Variants in GPAT4 observed in about 807,000 individuals in gnomAD.
GPAT4 encodes the protein glycerol-3-phosphate acyltransferase 4.
GPAT4 carries 17 observed loss-of-function variants against 58.0 expected under a neutral mutation model. The ratio of observed to expected loss-of-function variants is 0.29; its 90% CI spans 0.20 to 0.44. The LOEUF is 0.44. GPAT4 is among the 20% of genes least tolerant of loss of function. The pLI, the probability that GPAT4 is intolerant of heterozygous loss-of-function variation, is 1.00. For synonymous variants in GPAT4, 204 were observed against 210.1 expected (o/e 0.97, Z 0.25); for missense variants, 377 against 574.5 (o/e 0.66, Z 3.51).
rs1205942788 is a variant in GPAT4, at chr8:41,612,290, G to A, written c.795+17G>A. Reference sequence around the variant, plus strand: ...TATGCCATGGTAAGAGCTCTTTCCGGTGCGTTCTTGAGGCAAGACTTCCTG... The same window carrying A: ...TATGCCATGGTAAGAGCTCTTTCCGATGCGTTCTTGAGGCAAGACTTCCTG... On this transcript the variant is annotated intron_variant, in intron 7 of 12. Coordinates refer to ENST00000396987, the MANE Select transcript of GPAT4 (RefSeq NM_178819.4). The A allele has an allele frequency of 1.2e-6, 2 of 1,613,536 alleles. No homozygotes were observed. Among genetic ancestry groups the A allele is most frequent in the African/African-American group, 1.3e-5 (1 of 75,050 alleles).
At chr8:41,605,687 G>T (rs1803243106) in intron 2 of GPAT4, among the ~76,000 whole-genome samples, 1 of 152,152 alleles carries the variant, frequency 6.6e-6, no homozygotes, top group Non-Finnish European at 1.5e-5. Flanking sequence ...TGATTCTCCT[G>T]CCTCAGCCCC....
At chr8:41,607,625 A>G (rs1803318462) in intron 2 of GPAT4, among the ~76,000 whole-genome samples, 2 of 151,666 alleles carry the variant, frequency 1.3e-5, no homozygotes, top group Admixed American at 6.6e-5. Flanking sequence ...TGCAGCCTCA[A>G]CGTCCCCTGG....
intron 1 of GPAT4, among the ~76,000 whole-genome samples, chr8:41,595,453 A>G (rs997511763): frequency 1.3e-5 from 2 of 150,658 alleles, no homozygotes; most frequent in Non-Finnish European, 2.9e-5. Context: ...TTGCCACTAC[A>G]GATTGAATGC....
At chr8:41,607,368 A>G (rs1279227910) in intron 2 of GPAT4, among the ~76,000 whole-genome samples, 1 of 152,184 alleles carries the variant, frequency 6.6e-6, no homozygotes, top group Non-Finnish European at 1.5e-5. Flanking sequence ...TAGAATCTCA[A>G]TTAGCAGATC....
At chr8:41,585,514 C>T (rs1175087900) in intron 1 of GPAT4, among the ~76,000 whole-genome samples, 1 of 152,138 alleles carries the variant, frequency 6.6e-6, no homozygotes, top group Non-Finnish European at 1.5e-5. Context: ...ATTATTGCCT[C>T]CAGCTTTATG....
At chr8:41,619,041 C>T (rs1803678685) in intron 12 of GPAT4, 64 bp downstream of exon 12, 1 of 1,559,876 alleles carries the variant, frequency 6.4e-7, no homozygotes, top group African/African-American at 1.4e-5. Flanking sequence ...ATTGACTTCA[C>T]TTACATGTCA....
chr8:41,587,345 T>C (rs756289604), intron 1 of GPAT4, among the ~76,000 whole-genome samples: 34 of 152,230 alleles, frequency 2.2e-4, no homozygotes, highest in Non-Finnish European at 4.0e-4. Flanking sequence ...ATTAGTATAA[T>C]GTCATTACTT....
intron 1 of GPAT4, among the ~76,000 whole-genome samples, chr8:41,595,705 CTT>C (rs1802912111): frequency 6.6e-6 from 1 of 152,084 alleles, no homozygotes; most frequent in African/African-American, 2.4e-5. Flanking sequence ...TTCTTTCTCT[CTT>C]TAACTTTCTC....
At chr8:41,618,422 G>A (rs1330240414) in intron 10 of GPAT4, 3 of 524,990 alleles carry the variant, frequency 5.7e-6, no homozygotes. Context: ...ATCAAGGAGG[G>A]AAGACATTTG....
At chr8:41,606,605 G>T (rs1424177472) in intron 2 of GPAT4, among the ~76,000 whole-genome samples, 1 of 152,196 alleles carries the variant, frequency 6.6e-6, no homozygotes, top group Non-Finnish European at 1.5e-5. Flanking sequence ...ATGTGCACAG[G>T]AGTTTTACAA....
At chr8:41,619,018 C>A in intron 12 of GPAT4, 41 bp downstream of exon 12, 1 of 1,604,710 alleles carries the variant, frequency 6.2e-7, no homozygotes, top group Non-Finnish European at 8.5e-7. Flanking sequence ...GTTTCTGCAG[C>A]AGATGCTGTG....
chr8:41,601,594 C>G (rs1585662531), intron 2 of GPAT4, among the ~76,000 whole-genome samples: 1 of 152,002 alleles, frequency 6.6e-6, no homozygotes, highest in East Asian at 1.9e-4. Context: ...AATTCATGGA[C>G]CTATGGAAGT....
At chr8:41,613,553 T>A (rs527987963) in intron 8 of GPAT4, among the ~76,000 whole-genome samples, 1 of 152,266 alleles carries the variant, frequency 6.6e-6, no homozygotes, top group South Asian at 2.1e-4. Flanking sequence ...CCTAAGGCAG[T>A]GGAACAAAGT....
intron 1 of GPAT4, among the ~76,000 whole-genome samples, chr8:41,591,135 G>T (rs746980959): frequency 2.6e-5 from 4 of 152,168 alleles, no homozygotes; most frequent in East Asian, 1.9e-4. Flanking sequence ...GGGCAAGCAG[G>T]GGGTACGTGA....
chr8:41,596,467 A>G (rs1280016880), intron 1 of GPAT4, among the ~76,000 whole-genome samples: 2 of 152,168 alleles, frequency 1.3e-5, no homozygotes, highest in Admixed American at 6.5e-5. Flanking sequence ...CTTCCACTCA[A>G]ATGGAGTGGG....
At chr8:41,620,746 C>T in intron 12 of GPAT4, 147 bp from the exon 13 acceptor site, 1 of 1,354,640 alleles carries the variant, frequency 7.4e-7, no homozygotes, top group South Asian at 1.5e-5. Context: ...CCCAAATCCC[C>T]TGAGGTTGTC....
At chr8:41,597,003 A>G (rs535356120) in intron 1 of GPAT4, among the ~76,000 whole-genome samples, 1 of 152,144 alleles carries the variant, frequency 6.6e-6, no homozygotes, top group African/African-American at 2.4e-5. Context: ...ATCAGAATGG[A>G]ACAGAACAGG....
Position 41,622,682 on chromosome 8 carries a change from G to C in GPAT4, c.*1681G>C, listed in dbSNP as rs1264178607. The stretch of plus-strand genomic sequence containing the variant: ...TCCACTTTGCATGTGGTACCTGCTG[G>C]GTTGGCCCTGCAATCTCCTTTTCTC... On this transcript the variant is annotated 3_prime_UTR_variant, in exon 13 of 13. Transcript: ENST00000396987. The C allele has an allele frequency of 6.6e-6, 1 of 152,244 alleles. No homozygotes were observed. The allele number at this position is 152,244 out of a possible 1,614,324, so 9.4% of individuals were successfully genotyped here. A position where few individuals can be genotyped will look rare whatever the true frequency, so the allele number is the denominator to read the frequency against.
At chr8:41,595,193 C>G (rs940106997) in intron 1 of GPAT4, among the ~76,000 whole-genome samples, 1 of 148,874 alleles carries the variant, frequency 6.7e-6, no homozygotes, top group African/African-American at 2.5e-5. Context: ...TGGGAGGAAC[C>G]ATCTATTGTC....
Sources: gnomAD v4.1 joint callset for allele counts (sites outside exome capture counted in the v4.1 genomes callset) on GRCh38, gnomAD v4.1.1 for gene constraint, MANE v1.5 for transcripts, NCBI Gene and HGNC (gene_info 2026-07-23, HGNC 2026-07-21) for gene names.